PPP1R12B: variants seen among roughly 807,000 people sequenced by gnomAD.
The protein encoded by PPP1R12B is myosin phosphatase target subunit 2.
PPP1R12B carries 76 observed loss-of-function variants against 126.1 expected under a neutral mutation model. That is an observed-to-expected ratio of 0.60 (90% CI 0.50 to 0.73). The LOEUF (loss-of-function observed/expected upper bound fraction) is 0.73, where lower values mean the gene tolerates loss of function less well. PPP1R12B is among the 30% of genes least tolerant of loss of function. The probability of loss-of-function intolerance (pLI) is 0.00; values close to 1 mark genes in which losing one functional copy is unlikely to be tolerated. For missense variants in PPP1R12B, 1,052 were observed against 1,205.1 expected (o/e 0.87, Z 1.88); for synonymous variants, 356 against 434.7 (o/e 0.82, Z 2.25).
At chr1:202,534,563 C>CTT (rs34606007) in intron 18 of PPP1R12B, among the ~76,000 whole-genome samples, 6 of 132,942 alleles carry the variant, frequency 4.5e-5, no homozygotes, top group East Asian at 2.2e-4. Flanking sequence ...CTAGCTTTCC[C>CTT]TTTTTTTTTT....
chr1:202,393,777 A>C lies in PPP1R12B; in HGVS notation c.292-23010A>C, dbSNP rs754638770. Among the ~76,000 whole-genome samples, 5 of 152,212 alleles carry C rather than the reference A, an allele frequency of 3.3e-5. No individual in the cohort carries two copies. The East Asian group carries it at 5.8e-4, about 18-fold the overall frequency. Reference sequence around the variant, plus strand: ...TGCTATGAACAAAAGAAGTAGACCCAGGTCTGGGCATGATGGCTCACTCCT... The same window carrying C: ...TGCTATGAACAAAAGAAGTAGACCCCGGTCTGGGCATGATGGCTCACTCCT... On this transcript the variant is annotated intron_variant, in intron 1 of 23. Transcript: ENST00000608999.
At chr1:202,574,879 C>T (rs1372392942) in intron 23 of PPP1R12B, 2 of 964,712 alleles carry the variant, frequency 2.1e-6, no homozygotes, top group Non-Finnish European at 3.0e-6. Context: ...TCCTTTCTTG[C>T]ATGCAAACTA....
intron 23 of PPP1R12B, among the ~76,000 whole-genome samples, chr1:202,580,167 C>T (rs538673610): frequency 2.7e-4 from 41 of 152,150 alleles, no homozygotes; most frequent in Non-Finnish European, 5.3e-4. Context: ...AAAGTGGTTA[C>T]TGATTCAGTA....
intron 18 of PPP1R12B, among the ~76,000 whole-genome samples, chr1:202,551,544 G>C (rs1468246248): frequency 6.7e-6 from 1 of 149,046 alleles, no homozygotes; most frequent in Non-Finnish European, 1.5e-5. Flanking sequence ...TTTTAAGGGA[G>C]ATCCTTGTGA....
At chr1:202,459,111 C>G (rs1405966915) in intron 13 of PPP1R12B, among the ~76,000 whole-genome samples, 1 of 152,160 alleles carries the variant, frequency 6.6e-6, no homozygotes, top group Non-Finnish European at 1.5e-5. Flanking sequence ...GCTAACAGTT[C>G]TTTACTCAGT....
At position 202,423,323 on chromosome 1, in the gene PPP1R12B, C is replaced by A. The variant is rs537855314; in HGVS notation, c.541+585C>A. On this transcript the variant is annotated intron_variant, in intron 3 of 23. Transcript: ENST00000608999. ...TGGGTTCTTTTTCCACCACAAAACT[C>A]TGCGGACAAGATTTGTAGTGATTTT... 2.2e-4 allele frequency among the ~76,000 whole-genome samples: 34 copies of A among 152,282 alleles called. No homozygotes were observed. In the South Asian group the frequency reaches 4.3e-3, roughly 19 times the overall value.
At chr1:202,453,900 C>T (rs1673311774) in intron 13 of PPP1R12B, among the ~76,000 whole-genome samples, 1 of 151,858 alleles carries the variant, frequency 6.6e-6, no homozygotes, top group South Asian at 2.1e-4. Context: ...AAATTGGTCT[C>T]CAGCCAAGGA....
chr1:202,523,523 G>A (rs1399130161), intron 18 of PPP1R12B, among the ~76,000 whole-genome samples: 7 of 152,162 alleles, frequency 4.6e-5, no homozygotes, highest in Non-Finnish European at 8.8e-5. Context: ...TAGAGCAAAG[G>A]CCATATGGTG....
At chr1:202,380,184 C>G (rs1295818681) in intron 1 of PPP1R12B, among the ~76,000 whole-genome samples, 3 of 152,066 alleles carry the variant, frequency 2.0e-5, no homozygotes, top group African/African-American at 7.3e-5. Flanking sequence ...CTAATCACTT[C>G]AAGGCTTGGC....
rs147596724 is a variant in PPP1R12B at position 202,524,958 on chromosome 1, A to G, written c.2490+28136A>G. ...GGTGACGCGATCTTGGCTCACTGCA[A>G]CCTCTGCCTCCTGGGTTCAAAGTGA... On this transcript the variant is annotated intron_variant, in intron 18 of 23. Transcript: ENST00000608999. 7.2e-5 allele frequency among the ~76,000 whole-genome samples: 11 copies of G among 152,240 alleles called. No individual in the cohort carries two copies. In the East Asian group the frequency reaches 1.9e-3, roughly 27 times the overall value.
chr1:202,578,071 G>A (rs949342928), intron 23 of PPP1R12B, among the ~76,000 whole-genome samples: 7 of 151,978 alleles, frequency 4.6e-5, no homozygotes, highest in African/African-American at 7.3e-5. Flanking sequence ...GGCTTCCCCC[G>A]CCCCTTGATT....
intron 1 of PPP1R12B, among the ~76,000 whole-genome samples, chr1:202,379,628 AAATG>A (rs1661895461): frequency 6.6e-6 from 1 of 152,248 alleles, no homozygotes; most frequent in Admixed American, 6.5e-5. Flanking sequence ...CTTGTTGAAT[AAATG>A]AATGCATGAT....
intron 18 of PPP1R12B, among the ~76,000 whole-genome samples, chr1:202,515,096 A>T (rs980316616): frequency 6.6e-6 from 1 of 152,202 alleles, no homozygotes; most frequent in Non-Finnish European, 1.5e-5. Context: ...AAGTGATGAG[A>T]ACTTATGAAC....
chr1:202,545,125 A>G (rs1685518178), intron 18 of PPP1R12B, among the ~76,000 whole-genome samples: 1 of 152,254 alleles, frequency 6.6e-6, no homozygotes, highest in Admixed American at 6.5e-5. Flanking sequence ...GGAATGAGAA[A>G]CACTTGGATG....
At chr1:202,466,469 T>C (rs1211142328) in intron 13 of PPP1R12B, among the ~76,000 whole-genome samples, 1 of 152,216 alleles carries the variant, frequency 6.6e-6, no homozygotes, top group East Asian at 1.9e-4. Flanking sequence ...CTTTTTTTTT[T>C]CTGTAAACAC....
chr1:202,566,934 G>A (rs1688103239), intron 21 of PPP1R12B, among the ~76,000 whole-genome samples: 1 of 152,160 alleles, frequency 6.6e-6, no homozygotes, highest in Non-Finnish European at 1.5e-5. Flanking sequence ...TCTACTGAAT[G>A]TAAGAAATTC....
intron 23 of PPP1R12B, among the ~76,000 whole-genome samples, chr1:202,571,600 T>C (rs1186173676): frequency 1.3e-5 from 2 of 152,226 alleles, no homozygotes; most frequent in Non-Finnish European, 2.9e-5. Flanking sequence ...ACTAGTAGTG[T>C]GTGCCACCAC....
At position 202,583,729 on chromosome 1, in the gene PPP1R12B, C is replaced by T. The variant is rs1401172242; in HGVS notation, c.*3169C>T. The T allele has an allele frequency of 6.6e-6, 1 of 152,126 alleles. No homozygotes were observed. Among genetic ancestry groups the T allele is most frequent in the Non-Finnish European group, 1.5e-5 (1 of 68,030 alleles). 9.4% of individuals were successfully genotyped at this position (152,126 alleles called of 1,614,324 possible). ...TACCTACTGCTGGCCTCTTCAGTGG[C>T]CACAATCCTCAGTCCTCACCTGCTG... On this transcript the variant is annotated 3_prime_UTR_variant, in exon 24 of 24. Coordinates refer to ENST00000608999, the MANE Select transcript of PPP1R12B (RefSeq NM_002481.4).
intron 18 of PPP1R12B, among the ~76,000 whole-genome samples, chr1:202,531,549 C>A (rs1683949992): frequency 6.6e-6 from 1 of 152,032 alleles, no homozygotes; most frequent in African/African-American, 2.4e-5. Flanking sequence ...AGAAAAGTAT[C>A]AGTTGAAAAT....
Sources: gnomAD v4.1 joint callset for allele counts (sites outside exome capture counted in the v4.1 genomes callset) on GRCh38, gnomAD v4.1.1 for gene constraint, MANE v1.5 for transcripts, NCBI Gene and HGNC (gene_info 2026-07-23, HGNC 2026-07-21) for gene names.